GALNT13: variants seen among roughly 807,000 people sequenced by gnomAD.
The protein encoded by GALNT13 is polypeptide N-acetylgalactosaminyltransferase 13.
A neutral mutation model predicts 64.2 loss-of-function variants in GALNT13; 28 were observed. The observed-to-expected ratio is 0.44, with a 90% CI of 0.32 to 0.60. GALNT13 has a LOEUF of 0.60. Among genes scored for constraint, GALNT13 ranks in the 20% least tolerant of loss-of-function variants. The pLI is 0.05. For synonymous variants in GALNT13, 214 were observed against 224.6 expected, an observed-to-expected ratio of 0.95 and a Z score of 0.42; for missense variants, 577 against 669.8, an observed-to-expected ratio of 0.86 and a Z score of 1.53.
chr2:153,147,131 C>T, the GALNT13 span, among the ~76,000 whole-genome samples: 1 of 148,808 alleles, frequency 6.7e-6, no homozygotes, highest in South Asian at 2.2e-4. Context: ...GCTAAATAGA[C>T]CCCCATTCCC....
the GALNT13 span, among the ~76,000 whole-genome samples, chr2:153,629,898 T>G: frequency 6.8e-6 from 1 of 147,790 alleles, no homozygotes; most frequent in Non-Finnish European, 1.5e-5. Flanking sequence ...CATGAAAAAA[T>G]GCTCATCATC....
the GALNT13 span, among the ~76,000 whole-genome samples, chr2:153,437,434 T>G: frequency 6.6e-6 from 1 of 152,124 alleles, no homozygotes. Context: ...GGTGTTAAAG[T>G]CTCCCACTAT....
chr2:153,760,287 T>C, the GALNT13 span, among the ~76,000 whole-genome samples: 1 of 151,930 alleles, frequency 6.6e-6, no homozygotes, highest in East Asian at 1.9e-4. Flanking sequence ...TTATTTCTTT[T>C]CTAACATTTA....
chr2:154,433,187 G>C (rs1339930335), intron 11 of GALNT13, among the ~76,000 whole-genome samples: 4 of 152,218 alleles, frequency 2.6e-5, no homozygotes, highest in Non-Finnish European at 4.4e-5. Flanking sequence ...ATGGCAGGCT[G>C]TGGCCTGACT....
the GALNT13 span, among the ~76,000 whole-genome samples, chr2:153,435,271 A>G: frequency 2.0e-5 from 3 of 152,202 alleles, no homozygotes; most frequent in Non-Finnish European, 4.4e-5. Context: ...TGATGCCTCC[A>G]GCTTTGTTCT....
intron 9 of GALNT13, among the ~76,000 whole-genome samples, chr2:154,372,921 A>C (rs1434227070): frequency 1.3e-5 from 2 of 152,120 alleles, no homozygotes; most frequent in Admixed American, 1.3e-4. Flanking sequence ...TTTTAAAATA[A>C]GTTAAAAGAT....
intron 9 of GALNT13, among the ~76,000 whole-genome samples, chr2:154,315,402 G>A (rs1033746937): frequency 6.6e-6 from 1 of 152,172 alleles, no homozygotes. Flanking sequence ...AGGGAGGCAG[G>A]GCTAGGGCTT....
intron 3 of GALNT13, among the ~76,000 whole-genome samples, chr2:154,083,504 G>A (rs984107327): frequency 2.0e-5 from 3 of 151,970 alleles, no homozygotes; most frequent in African/African-American, 7.2e-5. Flanking sequence ...ACTTTGGGCA[G>A]CATGGCCATT....
At chr2:154,253,184 C>T (rs955319208) in intron 7 of GALNT13, among the ~76,000 whole-genome samples, 1 of 152,136 alleles carries the variant, frequency 6.6e-6, no homozygotes, top group African/African-American at 2.4e-5. Flanking sequence ...GACAGTCAAA[C>T]ACTGTGGGGC....
At chr2:153,630,557 G>A in the GALNT13 span, among the ~76,000 whole-genome samples, 1 of 145,352 alleles carries the variant, frequency 6.9e-6, no homozygotes, top group Non-Finnish European at 1.5e-5. Flanking sequence ...TAAATGACGA[G>A]TTAATAGGTG....
At chr2:154,080,087 A>G (rs1417362268) in intron 3 of GALNT13, among the ~76,000 whole-genome samples, 2 of 151,626 alleles carry the variant, frequency 1.3e-5, no homozygotes, top group Admixed American at 6.6e-5. Context: ...AAAACCCAAC[A>G]TTGTTGTTAA....
At chr2:154,362,429 CCTCT>C (rs1219447061) in intron 9 of GALNT13, among the ~76,000 whole-genome samples, 1 of 151,812 alleles carries the variant, frequency 6.6e-6, no homozygotes, top group Admixed American at 6.6e-5. Flanking sequence ...TTCATCTTTT[CCTCT>C]CTCTCTTTCT....
At chr2:153,401,601 T>C in the GALNT13 span, among the ~76,000 whole-genome samples, 2 of 151,254 alleles carry the variant, frequency 1.3e-5, no homozygotes, top group Non-Finnish European at 2.9e-5. Flanking sequence ...TTTATGAATC[T>C]GGGTGCCCCT....
chr2:153,572,467 A>C, the GALNT13 span, among the ~76,000 whole-genome samples: 1 of 147,780 alleles, frequency 6.8e-6, no homozygotes, highest in Non-Finnish European at 1.5e-5. Flanking sequence ...TTTATTATTT[A>C]TTTTCTTCTC....
the GALNT13 span, among the ~76,000 whole-genome samples, chr2:153,499,523 G>A: frequency 6.6e-6 from 1 of 152,138 alleles, no homozygotes; most frequent in Non-Finnish European, 1.5e-5. Context: ...CCACCCAGGA[G>A]CCTGTCTGCC....
At chr2:153,371,914 A>G in the GALNT13 span, among the ~76,000 whole-genome samples, 3 of 152,196 alleles carry the variant, frequency 2.0e-5, no homozygotes, top group East Asian at 1.9e-4. Flanking sequence ...AGGCTTGTGC[A>G]TTAGTGGGCT....
intron 3 of GALNT13, among the ~76,000 whole-genome samples, chr2:154,029,472 G>A (rs1474971265): frequency 1.3e-5 from 2 of 152,054 alleles, no homozygotes; most frequent in Non-Finnish European, 2.9e-5. Context: ...AATACTAGAG[G>A]AATTTGAAGC....
At chr2:153,731,790 G>C in the GALNT13 span, among the ~76,000 whole-genome samples, 2 of 151,766 alleles carry the variant, frequency 1.3e-5, no homozygotes, top group East Asian at 1.9e-4. Flanking sequence ...GTGCAGAGCT[G>C]CTATAAACTA....
chr2:153,601,597 C>A, the GALNT13 span, among the ~76,000 whole-genome samples: 5 of 151,440 alleles, frequency 3.3e-5, 1 homozygote, highest in South Asian at 1.0e-3. Context: ...CTTTTCATTT[C>A]CACATGGTCA....
Sources: gnomAD v4.1 joint callset for allele counts (sites outside exome capture counted in the v4.1 genomes callset) on GRCh38, gnomAD v4.1.1 for gene constraint, MANE v1.5 for transcripts, NCBI Gene and HGNC (gene_info 2026-07-23, HGNC 2026-07-21) for gene names.